LDAH: variants seen among roughly 807,000 people sequenced by gnomAD.
LDAH encodes lipid droplet associated hydrolase, also known as lipid droplet-associated hydrolase.
LDAH carries 26 observed loss-of-function variants against 29.6 expected under a neutral mutation model. The observed-to-expected ratio is 0.88, with a 90% CI of 0.64 to 1.22. LDAH has a LOEUF of 1.22. Ranked by LOEUF, LDAH falls within the 50% of genes most tolerant of loss-of-function variation. LDAH has a pLI of 0.00. For synonymous variants in LDAH, 117 were observed against 133.0 expected, an observed-to-expected ratio of 0.88 and a Z score of 0.83; for missense variants, 344 against 387.3, an observed-to-expected ratio of 0.89 and a Z score of 0.94.
chr2:20,691,267 C>T (rs1341363975), intron 6 of LDAH, among the ~76,000 whole-genome samples: 5 of 152,170 alleles, frequency 3.3e-5, no homozygotes, highest in Admixed American at 1.3e-4. Flanking sequence ...CTTGACCTCC[C>T]GAGCTCAAGT....
chr2:20,711,082 T>A (rs911735532), intron 5 of LDAH, among the ~76,000 whole-genome samples: 1 of 152,014 alleles, frequency 6.6e-6, no homozygotes, highest in African/African-American at 2.4e-5. Flanking sequence ...GGAACTCACA[T>A]GGAAAGGACC....
chr2:20,761,941 A>T (rs188423914), intron 4 of LDAH, among the ~76,000 whole-genome samples: 1 of 152,076 alleles, frequency 6.6e-6, no homozygotes, highest in East Asian at 1.9e-4. Flanking sequence ...CAGAAAATTC[A>T]AAAATAAAAA....
intron 5 of LDAH, among the ~76,000 whole-genome samples, chr2:20,723,562 C>T (rs1370549824): frequency 2.6e-5 from 4 of 152,080 alleles, no homozygotes; most frequent in Admixed American, 6.5e-5. Context: ...TTTATTCCTA[C>T]CCTTATTTAT....
At chr2:20,817,041 A>G (rs1672901534) in intron 1 of LDAH, among the ~76,000 whole-genome samples, 1 of 152,056 alleles carries the variant, frequency 6.6e-6, no homozygotes, top group Non-Finnish European at 1.5e-5. Flanking sequence ...CAAGACAGCA[A>G]AATTTGTGAG....
At chr2:20,696,349 G>A (rs1000678901) in intron 6 of LDAH, among the ~76,000 whole-genome samples, 8 of 152,190 alleles carry the variant, frequency 5.3e-5, no homozygotes, top group Non-Finnish European at 1.2e-4. Flanking sequence ...AGGAGTTCCT[G>A]TTCTTGAGGA....
chr2:20,795,280 C>A (rs1399599493), intron 2 of LDAH, among the ~76,000 whole-genome samples: 2 of 152,176 alleles, frequency 1.3e-5, no homozygotes, highest in Non-Finnish European at 2.9e-5. Context: ...CTTATACCTT[C>A]CAGTTAATTT....
chr2:20,710,714 TTATACATATA>T (rs982929771), intron 5 of LDAH, among the ~76,000 whole-genome samples: 33 of 147,304 alleles, frequency 2.2e-4, no homozygotes, highest in Non-Finnish European at 3.7e-4. Context: ...TACACATATA[TTATACATATA>T]TATACATATA....
intron 5 of LDAH, among the ~76,000 whole-genome samples, chr2:20,711,674 C>G (rs1664776098): frequency 6.6e-6 from 1 of 152,222 alleles, no homozygotes; most frequent in Admixed American, 6.5e-5. Context: ...AAATGGGACA[C>G]TCTTGCTCAA....
intron 4 of LDAH, among the ~76,000 whole-genome samples, chr2:20,746,889 CT>C (rs1447212912): frequency 6.6e-6 from 1 of 152,014 alleles, no homozygotes; most frequent in Non-Finnish European, 1.5e-5. Flanking sequence ...CCAGAATGAA[CT>C]TTTGATAATG....
chr2:20,795,517 T>C (rs1319997902), intron 2 of LDAH, among the ~76,000 whole-genome samples: 1 of 152,156 alleles, frequency 6.6e-6, no homozygotes, highest in Non-Finnish European at 1.5e-5. Flanking sequence ...CTCAATCTGA[T>C]TCCCTTTGTT....
intron 1 of LDAH, among the ~76,000 whole-genome samples, chr2:20,808,402 G>A (rs1443945241): frequency 6.6e-6 from 1 of 151,958 alleles, no homozygotes; most frequent in East Asian, 1.9e-4. Context: ...TGGCTCACAC[G>A]CCTGTAATCC....
At chr2:20,756,300 G>A (rs1668339895) in intron 4 of LDAH, among the ~76,000 whole-genome samples, 1 of 152,120 alleles carries the variant, frequency 6.6e-6, no homozygotes. Flanking sequence ...CTTCCAAAGT[G>A]CTGGGATTAC....
At chr2:20,722,822 A>G (rs1293340490) in intron 5 of LDAH, among the ~76,000 whole-genome samples, 1 of 152,248 alleles carries the variant, frequency 6.6e-6, no homozygotes, top group Admixed American at 6.5e-5. Flanking sequence ...ATTACAAAAC[A>G]TAGCAAAAAC....
chr2:20,723,216 C>CA (rs1319316514), intron 5 of LDAH, among the ~76,000 whole-genome samples: 1 of 152,130 alleles, frequency 6.6e-6, no homozygotes, highest in African/African-American at 2.4e-5. Context: ...TGAGAGAAGT[C>CA]AGACACAAAC....
intron 1 of LDAH, among the ~76,000 whole-genome samples, chr2:20,818,350 G>A (rs1223317893): frequency 2.0e-5 from 3 of 152,016 alleles, no homozygotes; most frequent in Non-Finnish European, 4.4e-5. Context: ...GTATGAAAGG[G>A]GAAAATTGGG....
intron 6 of LDAH, among the ~76,000 whole-genome samples, chr2:20,697,833 C>T (rs1377246341): frequency 3.3e-5 from 5 of 152,122 alleles, no homozygotes; most frequent in Admixed American, 1.3e-4. Context: ...GTATTTCTTT[C>T]AATTAGGAAT....
rs114964371 is a variant in LDAH, at chr2:20,782,727, C to T, written c.298+7528G>A. ...CTTCTCTTTCTCCCCCCTTGGTTAG[C>T]CTGGCTACAGGCTTATTAATTTTAT... is the stretch of plus-strand genomic sequence containing the variant. On this transcript the variant is annotated intron_variant, in intron 3 of 6. Coordinates refer to ENST00000237822, the MANE Select transcript of LDAH (RefSeq NM_021925.4). Among the ~76,000 whole-genome samples, 634 of 152,228 alleles carry T rather than the reference C, an allele frequency of 4.2e-3. 7 individuals carry two copies. The highest frequency in any genetic ancestry group is 0.014 in the African/African-American group (583 of 41,544).
chr2:20,767,569 CA>C (rs1183430137), intron 4 of LDAH, among the ~76,000 whole-genome samples: 1 of 152,236 alleles, frequency 6.6e-6, no homozygotes, highest in African/African-American at 2.4e-5. Flanking sequence ...TTGGCACAAG[CA>C]ACCTGGGTGC....
Position 20,771,482 on chromosome 2 carries a change from CAT to C in LDAH, c.468+3326_468+3327del, listed in dbSNP as rs1669410785. On this transcript the variant is annotated intron_variant, in intron 4 of 6. Coordinates refer to ENST00000237822, the MANE Select transcript of LDAH (RefSeq NM_021925.4). ...ATTGTAACATTCTGGCTTACACAAA[CAT>C]ATTTGTCAAATGCATCTTAAATGGA... Among the ~76,000 whole-genome samples the C allele has an allele frequency of 2.0e-5, 3 of 152,342 alleles. No homozygotes were observed. In the South Asian group the frequency reaches 6.2e-4, roughly 32 times the overall value.
Sources: allele counts gnomAD v4.1 joint callset (sites outside exome capture counted in the v4.1 genomes callset), GRCh38; gene constraint gnomAD v4.1.1; transcripts MANE v1.5; gene names NCBI Gene and HGNC (gene_info 2026-07-23, HGNC 2026-07-21).